Variants in NAPA observed in about 807,000 individuals in gnomAD.
NAPA encodes alpha-soluble NSF attachment protein.
NAPA carries 18 observed loss-of-function variants against 48.0 expected under a neutral mutation model. The ratio of observed to expected loss-of-function variants is 0.38; its 90% CI spans 0.26 to 0.56. The LOEUF (loss-of-function observed/expected upper bound fraction) is 0.56, where lower values mean the gene tolerates loss of function less well. Ranked by LOEUF, NAPA falls within the 20% of genes least tolerant of loss-of-function variation. NAPA has a pLI of 0.77. For synonymous variants in NAPA, 152 were observed against 149.9 expected, an observed-to-expected ratio of 1.01 and a Z score of -0.10; for missense variants, 315 against 385.0, an observed-to-expected ratio of 0.82 and a Z score of 1.52.
At chr19:47,495,097 G>A (rs1422279419) in intron 4 of NAPA, 1 of 178,640 alleles carries the variant, frequency 5.6e-6, no homozygotes, top group Non-Finnish European at 1.2e-5. Context: ...CAACTTCCTG[G>A]ACTCAAGCGA....
intron 1 of NAPA, among the ~76,000 whole-genome samples, chr19:47,514,518 C>T (rs1277756702): frequency 1.3e-5 from 2 of 152,170 alleles, no homozygotes; most frequent in Non-Finnish European, 2.9e-5. Context: ...CGTACTCCCT[C>T]GGTCCAGGTT....
At chr19:47,492,674 G>A (rs1017500174) in intron 7 of NAPA, 20 of 560,856 alleles carry the variant, frequency 3.6e-5, no homozygotes, top group Non-Finnish European at 6.4e-5. Flanking sequence ...CTCCCTCTGG[G>A]TTCTTTAGCC....
intron 2 of NAPA, chr19:47,501,485 T>C (rs1012143734): frequency 1.3e-5 from 2 of 152,194 alleles, no homozygotes; most frequent in African/African-American, 4.8e-5. Flanking sequence ...CTTGCATGAA[T>C]TGTGAGGCTC....
At chr19:47,498,249 C>T (rs1189848901) in intron 3 of NAPA, among the ~76,000 whole-genome samples, 1 of 152,128 alleles carries the variant, frequency 6.6e-6, no homozygotes, top group African/African-American at 2.4e-5. Flanking sequence ...CCCCAGGGTA[C>T]CGGCCACCTG....
chr19:47,497,864 G>A (rs1242914678), intron 3 of NAPA, among the ~76,000 whole-genome samples: 1 of 152,236 alleles, frequency 6.6e-6, no homozygotes, highest in South Asian at 2.1e-4. Flanking sequence ...CAGCTGGGGA[G>A]GAAGTGGGGG....
rs1445989273 is a variant in NAPA, at chr19:47,514,954, G to C, written c.-14C>G. The C allele has an allele frequency of 5.1e-5, 83 of 1,613,106 alleles. No homozygotes were observed. Among genetic ancestry groups the C allele is most frequent in the Non-Finnish European group, 6.9e-5 (81 of 1,179,562 alleles). On this transcript the variant is annotated 5_prime_UTR_variant, in exon 1 of 11. Transcript: ENST00000263354. ...GGAATTGTCCATGGCGGCCACAAAG[G>C]GACTCAGCAAAGCGCCTGACCCTGA...
intron 7 of NAPA, chr19:47,492,488 C>T: frequency 2.6e-6 from 1 of 388,896 alleles, no homozygotes; most frequent in Admixed American, 3.9e-5. Flanking sequence ...CGGCGCCCGC[C>T]CCTCTCTCCC....
downstream of NAPA, among the ~76,000 whole-genome samples, chr19:47,487,483 C>T (rs186910352): frequency 3.3e-4 from 51 of 152,262 alleles, no homozygotes; most frequent in African/African-American, 9.6e-4. Context: ...GGGTCTCCCC[C>T]ACCTAGAAAC....
intron 1 of NAPA, among the ~76,000 whole-genome samples, chr19:47,514,627 C>T (rs540119660): frequency 2.7e-4 from 41 of 152,302 alleles, no homozygotes; most frequent in Middle Eastern, 6.8e-3. Flanking sequence ...TCCCTTCCGC[C>T]ATGTCAGACC....
At chr19:47,492,805 G>C (rs1181506311) in intron 7 of NAPA, 156 bp downstream of exon 7, 2 of 741,640 alleles carry the variant, frequency 2.7e-6, no homozygotes, top group East Asian at 5.3e-5. Flanking sequence ...CCAGGCTGAA[G>C]ACAGGGTGGG....
At chr19:47,488,541 C>T (rs1341556308) in intron 10 of NAPA, 152 bp from the exon 11 acceptor site, 1 of 547,850 alleles carries the variant, frequency 1.8e-6, no homozygotes, top group East Asian at 3.0e-5. Flanking sequence ...CCAACTCAGC[C>T]ATGGGAGCTC....
At chr19:47,496,983 G>T (rs1968442884) in intron 3 of NAPA, 1 of 347,846 alleles carries the variant, frequency 2.9e-6, no homozygotes. Context: ...AGCAGACAGT[G>T]GAAACGGTGG....
Position 47,515,007 on chromosome 19 carries a change from C to T in NAPA, c.-67G>A, listed in dbSNP as rs892441265. 19 of 1,501,770 alleles carry T rather than the reference C, an allele frequency of 1.3e-5. No individual in the cohort carries two copies. In the Admixed American group the frequency reaches 1.3e-4, roughly 11 times the overall value. 93.0% of individuals were successfully genotyped at this position (1,501,770 alleles called of 1,614,324 possible). On this transcript the variant is annotated 5_prime_UTR_variant, in exon 1 of 11. Transcript: ENST00000263354. ...CTGGGAAGACTCAGCCGCGGCCGGG[C>T]CGCGGAACACAGATCGGTAAAACTC...
intron 4 of NAPA, among the ~76,000 whole-genome samples, chr19:47,494,853 G>A (rs560376853): frequency 5.9e-5 from 9 of 151,994 alleles, no homozygotes; most frequent in East Asian, 5.8e-4. Flanking sequence ...TGCATCTGTC[G>A]TTGGCAACGC....
chr19:47,513,846 C>CTTTTTTTTTTTTTTT (rs776314156), intron 1 of NAPA, among the ~76,000 whole-genome samples: 1 of 115,854 alleles, frequency 8.6e-6, no homozygotes, highest in Admixed American at 8.9e-5. Flanking sequence ...TTCTTTCTTT[C>CTTTTTTTTTTTTTTT]TTTTTTTTTT....
intron 1 of NAPA, among the ~76,000 whole-genome samples, chr19:47,513,394 G>GT (rs1292829119): frequency 1.3e-5 from 2 of 152,202 alleles, no homozygotes; most frequent in African/African-American, 4.8e-5. Context: ...TCTCAGAGAT[G>GT]TAACTCCACG....
Position 47,492,110 on chromosome 19 carries a change from T to C in NAPA, c.571A>G (p.Asn191Asp), listed in dbSNP as rs370145663. The C allele has an allele frequency of 9.3e-6, 15 of 1,613,706 alleles. No homozygotes were observed. In the East Asian group the frequency reaches 1.3e-4, roughly 14 times the overall value. ...AIDIYEQVGTNAMDSPLLKYS... is the reference protein window; with the variant it reads ...AIDIYEQVGTDAMDSPLLKYS... ...TTGAGGAGGGGGCTGTCCATGGCAT[T>C]GGTCCCCACCTGTAGCCATGGAGAA... Residue 191 changes from asparagine (N) to aspartate (D), a missense_variant, in exon 8 of 11, where the codon AAT (asparagine) becomes GAT (aspartate). Around this residue, in one of 3 missense-constraint regions of NAPA, gnomAD observed 137 missense variants for 150.1 expected, o/e 0.91. Coordinates refer to ENST00000263354, the MANE Select transcript of NAPA (RefSeq NM_003827.4).
intron 1 of NAPA, among the ~76,000 whole-genome samples, chr19:47,509,589 G>A (rs571527808): frequency 7.2e-5 from 11 of 152,274 alleles, no homozygotes; most frequent in South Asian, 2.1e-4. Flanking sequence ...ATCAGGCCCC[G>A]CAGAGGACCG....
chr19:47,514,645 C>T (rs1201446492), intron 1 of NAPA, among the ~76,000 whole-genome samples, 198 bp downstream of exon 1: 1 of 152,206 alleles, frequency 6.6e-6, no homozygotes, highest in African/African-American at 2.4e-5. Context: ...ACCGTCTCTC[C>T]TCAAACCGTG....
Sources: gnomAD v4.1 joint callset for allele counts (sites outside exome capture counted in the v4.1 genomes callset) on GRCh38, gnomAD v4.1.1 for gene constraint, gnomAD v4.1.1 regional missense constraint, MANE v1.5 for transcripts, NCBI Gene and HGNC (gene_info 2026-07-23, HGNC 2026-07-21) for gene names.